Variants in CSPP1 observed in about 807,000 individuals in gnomAD.
CSPP1 encodes centrosome and spindle pole associated protein 1.
CSPP1 carries 126 observed loss-of-function variants against 164.4 expected under a neutral mutation model. The observed-to-expected ratio is 0.77, with a 90% CI of 0.66 to 0.89. CSPP1 has a LOEUF of 0.89. CSPP1 is among the 40% of genes least tolerant of loss of function. The pLI is 0.00. For synonymous variants in CSPP1, 472 were observed against 476.7 expected, an observed-to-expected ratio of 0.99 and a Z score of 0.13; for missense variants, 1,395 against 1,449.8, an observed-to-expected ratio of 0.96 and a Z score of 0.61.
In CSPP1 at chr8:67,180,780, C is replaced by G. The variant is rs530164582; in HGVS notation, c.3220+854C>G. Among the ~76,000 whole-genome samples the G allele has an allele frequency of 3.3e-4, 50 of 151,962 alleles. No homozygotes were observed. In the South Asian group the frequency reaches 8.7e-3, roughly 27 times the overall value. On this transcript the variant is annotated intron_variant, in intron 28 of 30. Transcript: ENST00000678616. ...ATTATTTTAATCTATTTATAGTTCT[C>G]TTAATATTTCAGTCAAAAAAGTCAT...
At chr8:67,160,480 AG>A (rs1290174487) in intron 21 of CSPP1, among the ~76,000 whole-genome samples, 2 of 151,590 alleles carry the variant, frequency 1.3e-5, no homozygotes, top group African/African-American at 4.8e-5. Flanking sequence ...AAAAAAAAAA[AG>A]AATTAAACAG....
intron 3 of CSPP1, among the ~76,000 whole-genome samples, chr8:67,079,610 A>G (rs943819365): frequency 1.7e-4 from 26 of 152,134 alleles, no homozygotes; most frequent in Non-Finnish European, 3.1e-4. Context: ...TTTTCTATAT[A>G]TTTGCATAAA....
At chr8:67,181,405 GA>G (rs1833009952) in intron 28 of CSPP1, among the ~76,000 whole-genome samples, 1 of 149,416 alleles carries the variant, frequency 6.7e-6, no homozygotes, top group South Asian at 2.1e-4. Context: ...CGGAGAGAAG[GA>G]AAGATAAAAC....
At chr8:67,103,518 G>C (rs2129547190) in intron 8 of CSPP1, among the ~76,000 whole-genome samples, 1 of 152,002 alleles carries the variant, frequency 6.6e-6, no homozygotes, top group East Asian at 1.9e-4. Context: ...AATGTGGCCG[G>C]GCCTGGTGGC....
intron 28 of CSPP1, among the ~76,000 whole-genome samples, chr8:67,184,744 T>TATAAAATAATAATAATAATAATAATA (rs1833993965): frequency 1.4e-5 from 2 of 142,498 alleles, no homozygotes; most frequent in African/African-American, 5.3e-5. Flanking sequence ...AATAAAAAAA[T>TATAAAATAATAATAATAATAATAATA]ATAATAATAA....
At chr8:67,172,764 T>G in intron 25 of CSPP1, 1 of 489,776 alleles carries the variant, frequency 2.0e-6, no homozygotes, top group Non-Finnish European at 3.6e-6. Context: ...TGCTTTCTTT[T>G]GGAGAGCATA....
intron 14 of CSPP1, 22 bp from the exon 15 acceptor site, chr8:67,118,721 G>GT (rs745686975): frequency 1.3e-5 from 20 of 1,536,846 alleles, no homozygotes; most frequent in Middle Eastern, 3.4e-4. Flanking sequence ...AACTTTTTTT[G>GT]TTTTTTTGTT....
intron 21 of CSPP1, among the ~76,000 whole-genome samples, chr8:67,161,289 T>C (rs1425844267): frequency 6.6e-6 from 1 of 152,196 alleles, no homozygotes; most frequent in Non-Finnish European, 1.5e-5. Flanking sequence ...TTAGAATGTC[T>C]ATGTTGTATT....
At chr8:67,139,495 A>G (rs1262062655) in intron 17 of CSPP1, among the ~76,000 whole-genome samples, 1 of 152,230 alleles carries the variant, frequency 6.6e-6, no homozygotes, top group Non-Finnish European at 1.5e-5. Context: ...ATTACTGGGT[A>G]TATACCCAAA....
intron 29 of CSPP1, 71 bp downstream of exon 29, chr8:67,190,830 A>T: frequency 9.1e-7 from 1 of 1,102,362 alleles, no homozygotes; most frequent in Non-Finnish European, 1.4e-6. Flanking sequence ...CCTGTGCTAA[A>T]TCTGTGTGGC....
chr8:67,098,627 T>C (rs1343895062), intron 7 of CSPP1, among the ~76,000 whole-genome samples: 1 of 152,010 alleles, frequency 6.6e-6, no homozygotes, highest in Non-Finnish European at 1.5e-5. Context: ...AAGTAAAATT[T>C]ATCATGTTTT....
chr8:67,069,368 A>C (rs564552759), intron 1 of CSPP1, among the ~76,000 whole-genome samples: 10 of 152,216 alleles, frequency 6.6e-5, no homozygotes, highest in Non-Finnish European at 1.5e-4. Flanking sequence ...TGCTATATTT[A>C]CTATGGTTGT....
chr8:67,116,082 A>G lies in CSPP1; in HGVS notation c.1456A>G (p.Ser486Gly), dbSNP rs1249999187. The change falls in exon 13 of 31, where the codon AGT becomes GGT. Residue 486 changes from serine to glycine, a missense_variant. Transcript: ENST00000678616. ...TCCTTCTCAAAATGAAGATTTGCGC[A>G]GTGGACTCAGCAGCGCCCTTGGTGA... ...PVPSQNEDLR[S>G]GLSSALGEMV... 6 of 1,614,046 alleles carry G rather than the reference A, an allele frequency of 3.7e-6. No individual in the cohort carries two copies. Among genetic ancestry groups the G allele is most frequent in the Middle Eastern group, 1.7e-4 (1 of 6,060 alleles).
intron 24 of CSPP1, among the ~76,000 whole-genome samples, 190 bp from the exon 25 acceptor site, chr8:67,172,226 T>G (rs1256810894): frequency 6.7e-6 from 1 of 150,308 alleles, no homozygotes. Flanking sequence ...GAACTCCTGA[T>G]TTCAAGCAGT....
intron 17 of CSPP1, among the ~76,000 whole-genome samples, chr8:67,146,904 T>A (rs997133485): frequency 1.4e-4 from 22 of 152,238 alleles, no homozygotes; most frequent in Non-Finnish European, 2.9e-4. Flanking sequence ...GTGCCTTTTT[T>A]AATTTTCGTT....
At chr8:67,096,022 G>A (rs1554571002) in intron 7 of CSPP1, among the ~76,000 whole-genome samples, 1 of 152,232 alleles carries the variant, frequency 6.6e-6, no homozygotes, top group Non-Finnish European at 1.5e-5. Flanking sequence ...AAGGGACAGA[G>A]AGGAAATGTC....
chr8:67,137,564 G>A lies in CSPP1; in HGVS notation c.1936G>A (p.Gly646Ser). 6.3e-7 allele frequency: 1 copy of A among 1,594,386 alleles called. No individual in the cohort carries two copies. Among genetic ancestry groups the A allele is most frequent in the African/African-American group, 1.3e-5 (1 of 74,084 alleles). The change falls in exon 17 of 31, where the codon GGT becomes AGT. Residue 646 changes from glycine (G) to serine (S), a missense_variant. Physicochemically the swap from Gly to Ser is moderately conservative, Grantham distance 56. Transcript: ENST00000678616. ...RTYNPWGKGGGGAPLRDAKGN... is the reference protein window; with the variant it reads ...RTYNPWGKGGSGAPLRDAKGN... ...ATATAATCCCTGGGGAAAAGGTGGA[G>A]GTGGTGCTCCTCTCAGGGATGCAAA...
chr8:67,092,629 G>T (rs1239216283), intron 5 of CSPP1, among the ~76,000 whole-genome samples: 4 of 152,072 alleles, frequency 2.6e-5, no homozygotes, highest in African/African-American at 9.7e-5. Context: ...GTTTTTAGTA[G>T]AGATGGTGTT....
chr8:67,095,747 A>G lies in CSPP1; in HGVS notation c.923+15A>G. ...ACAAATGACAGGTATTTACAACTTC[A>G]TTTTTATTTTATTTGCTTAATATAG... On this transcript the variant is annotated intron_variant, in intron 7 of 30. Transcript: ENST00000678616. 1 of 1,443,628 alleles carries G rather than the reference A, an allele frequency of 6.9e-7. No individual in the cohort carries two copies. The highest frequency in any genetic ancestry group is 9.5e-7 in the Non-Finnish European group (1 of 1,056,880). 89.4% of individuals were successfully genotyped at this position (1,443,628 alleles called of 1,614,324 possible).
Sources: allele counts gnomAD v4.1 joint callset (sites outside exome capture counted in the v4.1 genomes callset), GRCh38; gene constraint gnomAD v4.1.1; transcripts MANE v1.5; gene names NCBI Gene and HGNC (gene_info 2026-07-23, HGNC 2026-07-21).